RWDD2B: variants seen among roughly 807,000 people sequenced by gnomAD.
RWDD2B encodes RWD domain containing 2B, also known as RWD domain-containing protein 2B.
A neutral mutation model predicts 33.6 loss-of-function variants in RWDD2B; 36 were observed. The observed-to-expected ratio is 1.07, with a 90% CI of 0.82 to 1.42. The LOEUF (loss-of-function observed/expected upper bound fraction) is 1.42. RWDD2B is among the 40% of genes most tolerant of loss of function. RWDD2B has a pLI of 0.00. For missense variants in RWDD2B, 364 were observed against 377.5 expected (o/e 0.96, Z 0.30); for synonymous variants, 126 against 133.1 (o/e 0.95, Z 0.37).
chr21:29,013,806 C>T (rs1361476465), intron 1 of RWDD2B, among the ~76,000 whole-genome samples: 1 of 151,802 alleles, frequency 6.6e-6, no homozygotes, highest in Non-Finnish European at 1.5e-5. Flanking sequence ...AATTTATATG[C>T]CATACCATAC....
At chr21:29,018,739 C>G (rs2084901446) in intron 1 of RWDD2B, among the ~76,000 whole-genome samples, 1 of 152,158 alleles carries the variant, frequency 6.6e-6, no homozygotes, top group Non-Finnish European at 1.5e-5. Context: ...GCCTGTAATC[C>G]CAGCACTTTG....
chr21:29,017,797 GTGTTT>G (rs2084897558), intron 1 of RWDD2B, among the ~76,000 whole-genome samples: 1 of 152,200 alleles, frequency 6.6e-6, no homozygotes, highest in East Asian at 1.9e-4. Flanking sequence ...AGGAGGCCAT[GTGTTT>G]TTCTTGGCCA....
intron 1 of RWDD2B, among the ~76,000 whole-genome samples, chr21:29,011,343 G>A (rs1169574124): frequency 2.7e-5 from 4 of 147,356 alleles, no homozygotes; most frequent in Non-Finnish European, 4.5e-5. Context: ...TGCGAGGAGC[G>A]TCTCTGCCCG....
rs1325328169 is a variant in RWDD2B, at chr21:29,018,214, A to T, written c.67+997T>A. Among the ~76,000 whole-genome samples the T allele has an allele frequency of 2.0e-5, 3 of 152,222 alleles. No individual in the cohort carries two copies. In the East Asian group the frequency reaches 5.8e-4, roughly 29 times the overall value. On this transcript the variant is annotated intron_variant, in intron 1 of 4. Transcript: ENST00000493196. ...GCAACAGGATTTACAGATGAATTAC[A>T]TGAGACACGGAAGAATGACTCCGGG... is the stretch of plus-strand genomic sequence containing the variant.
At chr21:29,007,059 CT>C (rs1270740558) in intron 4 of RWDD2B, among the ~76,000 whole-genome samples, 1 of 152,226 alleles carries the variant, frequency 6.6e-6, no homozygotes, top group Non-Finnish European at 1.5e-5. Context: ...TCCCAAACTA[CT>C]ATGGACCTTC....
At position 29,006,245 on chromosome 21, in the gene RWDD2B, TC is replaced by T. The variant is rs2084827791; in HGVS notation, c.*171del. 1 of 496,108 alleles carries T rather than the reference TC, an allele frequency of 2.0e-6. No individual in the cohort carries two copies. The highest frequency in any genetic ancestry group is 3.6e-6 in the Non-Finnish European group (1 of 279,530). 30.7% of individuals were successfully genotyped at this position (496,108 alleles called of 1,614,324 possible). A position where few individuals can be genotyped will look rare whatever the true frequency, so the allele number is the denominator to read the frequency against. On this transcript the variant is annotated 3_prime_UTR_variant, in exon 5 of 5. Coordinates refer to ENST00000493196, the MANE Select transcript of RWDD2B (RefSeq NM_016940.3). ...TGTAATTTGAAACTCAGTTCTGCTT[TC>T]AATCATGACATTTTTAACAGATGCA...
At chr21:29,010,642 ACCCTCT>A (rs1271141961) in intron 1 of RWDD2B, among the ~76,000 whole-genome samples, 72 of 145,982 alleles carry the variant, frequency 4.9e-4, no homozygotes, top group Non-Finnish European at 7.7e-4. Context: ...ACCAAAAAAA[ACCCTCT>A]CCCTCTCCCT....
intron 1 of RWDD2B, 131 bp from the exon 2 acceptor site, chr21:29,008,752 C>T: frequency 1.5e-6 from 1 of 648,808 alleles, no homozygotes; most frequent in Admixed American, 2.9e-5. Flanking sequence ...GTCTCTTTCC[C>T]TATTACTCTA....
At chr21:29,018,776 A>G (rs1040164916) in intron 1 of RWDD2B, among the ~76,000 whole-genome samples, 3 of 152,178 alleles carry the variant, frequency 2.0e-5, no homozygotes, top group African/African-American at 7.2e-5. Flanking sequence ...GGACTGCTTG[A>G]GCCCAGGAGT....
chr21:29,012,644 G>C (rs28528358), intron 1 of RWDD2B, among the ~76,000 whole-genome samples: 3,148 of 151,816 alleles, frequency 0.021, 115 homozygotes, highest in African/African-American at 0.072. Context: ...GCGGAAGGCC[G>C]CAGGGTCCTC....
chr21:29,017,473 G>A (rs1397018894), intron 1 of RWDD2B, among the ~76,000 whole-genome samples: 1 of 151,974 alleles, frequency 6.6e-6, no homozygotes, highest in African/African-American at 2.4e-5. Context: ...TTAGCCAGGT[G>A]TGGTCGCCCA....
chr21:29,005,302 G>C lies in RWDD2B; in HGVS notation c.*1115C>G, dbSNP rs553896081. On this transcript the variant is annotated 3_prime_UTR_variant, in exon 5 of 5. Coordinates refer to ENST00000493196, the MANE Select transcript of RWDD2B (RefSeq NM_016940.3). ...GCAAGCCCAGGAGCAGGGGCAGAGC[G>C]TGAGTATACAAAAAGTGGGGAACTG... The C allele has an allele frequency of 6.6e-6, 1 of 152,164 alleles. No homozygotes were observed. The highest frequency in any genetic ancestry group is 1.5e-5 in the Non-Finnish European group (1 of 68,030). 9.4% of individuals were successfully genotyped at this position (152,164 alleles called of 1,614,324 possible). A position where few individuals can be genotyped will look rare whatever the true frequency, so the allele number is the denominator to read the frequency against.
At chr21:29,009,152 A>T (rs1389124089) in intron 1 of RWDD2B, among the ~76,000 whole-genome samples, 1 of 152,138 alleles carries the variant, frequency 6.6e-6, no homozygotes, top group African/African-American at 2.4e-5. Context: ...CAGTGGCATG[A>T]TCCCCGCTCA....
chr21:29,017,410 GAGACC>G (rs1333786177), intron 1 of RWDD2B, among the ~76,000 whole-genome samples: 1 of 151,518 alleles, frequency 6.6e-6, no homozygotes, highest in East Asian at 2.0e-4. Flanking sequence ...TCAGGAGTTT[GAGACC>G]AGCCTGGCCA....
chr21:29,006,176 G>A lies in RWDD2B; in HGVS notation c.*241C>T, dbSNP rs1353228795. On this transcript the variant is annotated 3_prime_UTR_variant, in exon 5 of 5. Transcript: ENST00000493196. ...TTATGGATAATTTCTTTTTCAAAAT[G>A]GGCAGCTGATATGTGAAGAAATATC... The A allele has an allele frequency of 5.8e-6, 2 of 343,514 alleles. No homozygotes were observed. The highest frequency in any genetic ancestry group is 1.0e-5 in the Non-Finnish European group (2 of 190,570). 21.3% of individuals were successfully genotyped at this position (343,514 alleles called of 1,614,324 possible).
In RWDD2B at chr21:29,006,536, CTT is replaced by C. The variant is rs747484659; in HGVS notation, c.839_840del (p.Lys280SerfsTer5). 6.2e-7 allele frequency: 1 copy of C among 1,613,776 alleles called. No homozygotes were observed. The highest frequency in any genetic ancestry group is 8.5e-7 in the Non-Finnish European group (1 of 1,179,812). On this transcript the variant is annotated frameshift_variant, in exon 5 of 5. Coordinates refer to ENST00000493196, the MANE Select transcript of RWDD2B (RefSeq NM_016940.3). LOFTEE classifies it high-confidence loss of function. ...CCCCTGGCTCCATTAACACTGAACA[CTT>C]TTTCTTCAAAAATGGAAAATTTCCT... The part of the protein sequence containing the change: ...RQRKFSIFEE[K>X]VFSVNGARGN...
At chr21:29,011,352 C>T (rs1427910389) in intron 1 of RWDD2B, among the ~76,000 whole-genome samples, 19 of 148,890 alleles carry the variant, frequency 1.3e-4, no homozygotes, top group Non-Finnish European at 2.5e-4. Context: ...CGTCTCTGCC[C>T]GGCCACCCGG....
intron 1 of RWDD2B, among the ~76,000 whole-genome samples, chr21:29,012,333 G>A (rs868590412): frequency 2.0e-5 from 3 of 152,166 alleles, no homozygotes; most frequent in Non-Finnish European, 2.9e-5. Context: ...AATAGAAAGG[G>A]GGGAAAGGTG....
rs1198067227 is a variant in RWDD2B at position 29,008,699 on chromosome 21, TA to T, written c.68-79del. ...TGAATACATCAACATGTGTACTTAC[TA>T]AAATTGTACTTGGTTTCTTCATAAA... is the stretch of plus-strand genomic sequence containing the variant. On this transcript the variant is annotated intron_variant, in intron 1 of 4. Transcript: ENST00000493196. 15 of 893,434 alleles carry T rather than the reference TA, an allele frequency of 1.7e-5. No individual in the cohort carries two copies. The South Asian group carries it at 1.8e-4, about 11-fold the overall frequency. 55.3% of individuals were successfully genotyped at this position (893,434 alleles called of 1,614,324 possible).
Sources: allele counts gnomAD v4.1 joint callset (sites outside exome capture counted in the v4.1 genomes callset), GRCh38; gene constraint gnomAD v4.1.1; transcripts MANE v1.5; gene names NCBI Gene and HGNC (gene_info 2026-07-23, HGNC 2026-07-21).